TSHZ2: variants seen among roughly 807,000 people sequenced by gnomAD.
TSHZ2 encodes the protein teashirt zinc finger homeobox 2, also known as teashirt homolog 2.
In TSHZ2, 21 loss-of-function variants were observed where a neutral mutation model predicts 74.4. The observed-to-expected ratio is 0.28, with a 90% CI of 0.20 to 0.41. TSHZ2 has a LOEUF of 0.41. TSHZ2 is among the 10% of genes least tolerant of loss of function. The pLI is 1.00. For synonymous variants in TSHZ2, 540 were observed against 515.3 expected, an observed-to-expected ratio of 1.05 and a Z score of -0.65; for missense variants, 1,244 against 1,293.5, an observed-to-expected ratio of 0.96 and a Z score of 0.59.
intron 1 of TSHZ2, among the ~76,000 whole-genome samples, chr20:53,202,981 T>C (rs988223574): frequency 3.3e-5 from 5 of 152,160 alleles, no homozygotes; most frequent in Non-Finnish European, 5.9e-5. Context: ...CGATGAATCA[T>C]ACGTAGGCAG....
At chr20:53,202,715 C>T (rs922348472) in intron 1 of TSHZ2, among the ~76,000 whole-genome samples, 6 of 152,134 alleles carry the variant, frequency 3.9e-5, no homozygotes, top group African/African-American at 1.4e-4. Flanking sequence ...TACTGTATTG[C>T]CTTCATTCTA....
At chr20:53,197,821 T>A (rs1022600148) in intron 1 of TSHZ2, among the ~76,000 whole-genome samples, 5 of 152,060 alleles carry the variant, frequency 3.3e-5, no homozygotes, top group Admixed American at 3.3e-4. Context: ...CTTATATGGT[T>A]TTTTCCAGCA....
intron 1 of TSHZ2, among the ~76,000 whole-genome samples, chr20:53,128,015 T>G (rs2123373324): frequency 9.1e-6 from 1 of 109,792 alleles, no homozygotes; most frequent in South Asian, 2.5e-4. Context: ...TAATACCATG[T>G]TGTGGCTGTT....
intron 2 of TSHZ2, among the ~76,000 whole-genome samples, chr20:53,439,654 C>A (rs894699938): frequency 6.6e-6 from 1 of 152,026 alleles, no homozygotes; most frequent in Non-Finnish European, 1.5e-5. Flanking sequence ...ATAAATTGTT[C>A]TAATTATACG....
Position 53,489,862 on chromosome 20 carries a change from C to T in TSHZ2, c.*2727C>T, listed in dbSNP as rs1600677401. The T allele has an allele frequency of 6.6e-6, 1 of 152,130 alleles. No homozygotes were observed. The highest frequency in any genetic ancestry group is 2.4e-5 in the African/African-American group (1 of 41,398). 9.4% of individuals were successfully genotyped at this position (152,130 alleles called of 1,614,324 possible). A position where few individuals can be genotyped will look rare whatever the true frequency, so the allele number is the denominator to read the frequency against. Reference sequence around the variant, plus strand: ...GCCAGGCCTGTCTTCACTCAGCCAGCCCTCTGAGGCTTCTAGAAACTTCTT... The same window carrying T: ...GCCAGGCCTGTCTTCACTCAGCCAGTCCTCTGAGGCTTCTAGAAACTTCTT... On this transcript the variant is annotated 3_prime_UTR_variant, in exon 3 of 3. Transcript: ENST00000371497.
Position 53,190,124 on chromosome 20 carries a change from TATA to T in TSHZ2, c.41-63374_41-63372del, listed in dbSNP as rs1227112439. Among the ~76,000 whole-genome samples the T allele has an allele frequency of 2.4e-4, 24 of 99,256 alleles. 2 individuals are homozygous for T. The highest frequency in any genetic ancestry group is 8.2e-4 in the African/African-American group (21 of 25,618). The allele number at this position is 99,256 out of a possible 152,430, so 65.1% of individuals were successfully genotyped here. A position where few individuals can be genotyped will look rare whatever the true frequency, so the allele number is the denominator to read the frequency against. ...ATATATATATATATATATATATATA[TATA>T]TATATATATATTTTCTTAAATGCCT... On this transcript the variant is annotated intron_variant, in intron 1 of 2. Transcript: ENST00000371497.
chr20:53,025,803 A>G (rs1983417380), intron 1 of TSHZ2, among the ~76,000 whole-genome samples: 1 of 152,212 alleles, frequency 6.6e-6, no homozygotes, highest in Non-Finnish European at 1.5e-5. Flanking sequence ...GACTTACTAA[A>G]ATGTAATATG....
intron 2 of TSHZ2, among the ~76,000 whole-genome samples, chr20:53,406,151 A>C (rs1207695259): frequency 6.6e-6 from 1 of 152,156 alleles, no homozygotes; most frequent in African/African-American, 2.4e-5. Context: ...CAGGGGGCAC[A>C]GAACCACCAA....
intron 1 of TSHZ2, among the ~76,000 whole-genome samples, chr20:52,993,493 C>T (rs546727629): frequency 1.3e-5 from 2 of 152,146 alleles, no homozygotes; most frequent in African/African-American, 4.8e-5. Context: ...GTCCCCTGGG[C>T]GCCCCTCCAC....
At chr20:53,106,800 C>T (rs1274759167) in intron 1 of TSHZ2, among the ~76,000 whole-genome samples, 16 of 150,868 alleles carry the variant, frequency 1.1e-4, no homozygotes, top group African/African-American at 3.4e-4. Context: ...CAGGTTCAAG[C>T]GATTCTCCAG....
chr20:53,228,841 C>T (rs1197033767), intron 1 of TSHZ2, among the ~76,000 whole-genome samples: 1 of 152,130 alleles, frequency 6.6e-6, no homozygotes, highest in Non-Finnish European at 1.5e-5. Context: ...GGGAAAAATG[C>T]CCCCCAACTC....
At chr20:53,064,102 G>A (rs1984903053) in intron 1 of TSHZ2, among the ~76,000 whole-genome samples, 1 of 152,172 alleles carries the variant, frequency 6.6e-6, no homozygotes, top group South Asian at 2.1e-4. Context: ...TCAAATCAGT[G>A]TGGTCAATCA....
chr20:53,060,970 T>A (rs1375868106), intron 1 of TSHZ2, among the ~76,000 whole-genome samples: 1 of 152,202 alleles, frequency 6.6e-6, no homozygotes, highest in Non-Finnish European at 1.5e-5. Context: ...TCCATTATCA[T>A]ACTTATTACA....
chr20:53,472,098 C>T (rs990278338), intron 2 of TSHZ2, among the ~76,000 whole-genome samples: 7 of 152,150 alleles, frequency 4.6e-5, no homozygotes, highest in African/African-American at 1.7e-4. Flanking sequence ...AGCCCGCGCC[C>T]GGCCAGGCCA....
In TSHZ2 at chr20:53,256,382, C is replaced by T. The variant is rs267606003; in HGVS notation, c.2924C>T (p.Ser975Leu). The T allele has an allele frequency of 1.2e-6, 2 of 1,613,284 alleles. No homozygotes were observed. The highest frequency in any genetic ancestry group is 1.7e-6 in the Non-Finnish European group (2 of 1,179,304). The change falls in exon 2 of 3, where the codon TCG becomes TTG. Residue 975 changes from serine (S) to leucine (L), a missense_variant. By Grantham distance (145) the Ser-to-Leu change is moderately radical (BLOSUM62 -2). This residue lies in a region of TSHZ2 where 185 missense variants were observed against 213.3 expected (regional missense o/e 0.87). Coordinates refer to ENST00000371497, the MANE Select transcript of TSHZ2 (RefSeq NM_173485.6). This position sits in a 1 kb window ranked among gnomAD's most constrained non-coding sequence, Gnocchi z 4.3. ...SKVEQEISRV[S>L]SAQRSPETIA... ...GTGGAGCAAGAGATCTCCCGGGTAT[C>T]GTCGGCTCAGAGGTCTCCAGAAACA... is the stretch of plus-strand genomic sequence containing the variant.
At chr20:53,085,083 G>A (rs988560022) in intron 1 of TSHZ2, among the ~76,000 whole-genome samples, 5 of 151,996 alleles carry the variant, frequency 3.3e-5, no homozygotes, top group Non-Finnish European at 7.4e-5. Context: ...AATAGATGCT[G>A]GGTGTGGTGG....
At position 53,247,935 on chromosome 20, in the gene TSHZ2, C is replaced by T. The variant is rs563093719; in HGVS notation, c.41-5564C>T. 2.4e-4 allele frequency among the ~76,000 whole-genome samples: 37 copies of T among 152,272 alleles called. 1 individual carries two copies. The highest frequency in any genetic ancestry group is 8.2e-4 in the African/African-American group (34 of 41,554). ...TGGACTTTCAAGGTGACTACAGAAA[C>T]GTATACCTAGCAAAAGTCTGATATG... On this transcript the variant is annotated intron_variant, in intron 1 of 2. Transcript: ENST00000371497.
rs11471151 is a variant in TSHZ2 at position 53,069,662 on chromosome 20, T to TACAC, written c.40+96374_40+96377dup. On this transcript the variant is annotated intron_variant, in intron 1 of 2. Transcript: ENST00000371497. ...GCCTAGCAAAAGGTCAATGCTTTGA[T>TACAC]ACACACACACACACACACACACACA... is the stretch of plus-strand genomic sequence containing the variant. Among the ~76,000 whole-genome samples, 92 of 138,990 alleles carry TACAC rather than the reference T, an allele frequency of 6.6e-4. 1 individual carries two copies. Among genetic ancestry groups the TACAC allele is most frequent in the Non-Finnish European group, 9.4e-4 (61 of 64,910 alleles). 91.2% of individuals were successfully genotyped at this position (138,990 alleles called of 152,430 possible). A position where few individuals can be genotyped will look rare whatever the true frequency, so the allele number is the denominator to read the frequency against.
At chr20:53,007,510 C>A (rs796686176) in intron 1 of TSHZ2, among the ~76,000 whole-genome samples, 3 of 152,214 alleles carry the variant, frequency 2.0e-5, no homozygotes, top group Admixed American at 6.5e-5. Context: ...AAAATAATTT[C>A]TTGGTGATGA....
Sources: gnomAD v4.1 joint callset for allele counts (sites outside exome capture counted in the v4.1 genomes callset) on GRCh38, gnomAD v4.1.1 for gene constraint, gnomAD v4.1.1 regional missense constraint, Gnocchi (gnomAD v3.1) non-coding constraint, MANE v1.5 for transcripts, NCBI Gene and HGNC (gene_info 2026-07-23, HGNC 2026-07-21) for gene names.